Variants in CDRT4 observed in about 807,000 individuals in gnomAD.
CDRT4 encodes the protein CMT1A duplicated region transcript 4, also known as CMT1A duplicated region transcript 4 protein.
For missense variants in CDRT4, 167 were observed against 193.1 expected (o/e 0.87, Z 0.80); for synonymous variants, 64 against 69.6 (o/e 0.92, Z 0.40).
chr17:15,448,861 C>T (rs1979143741), intron 2 of CDRT4, among the ~76,000 whole-genome samples: 1 of 152,224 alleles, frequency 6.6e-6, no homozygotes, highest in Admixed American at 6.5e-5. Context: ...GCGCTGTTCC[C>T]TGTCATCACC....
chr17:15,446,964 C>G (rs929682543), intron 2 of CDRT4, among the ~76,000 whole-genome samples: 8 of 152,194 alleles, frequency 5.3e-5, no homozygotes, highest in African/African-American at 1.9e-4. Context: ...AAAAACCTAT[C>G]CTGAGCTCCA....
chr17:15,458,553 T>C (rs1979594302), intron 1 of CDRT4, among the ~76,000 whole-genome samples: 1 of 152,062 alleles, frequency 6.6e-6, no homozygotes, highest in African/African-American at 2.4e-5. Context: ...GTCGGGTCAT[T>C]GTGAAGAGGC....
At chr17:15,459,087 G>T (rs748310145) in intron 1 of CDRT4, among the ~76,000 whole-genome samples, 22 of 152,178 alleles carry the variant, frequency 1.4e-4, no homozygotes, top group Non-Finnish European at 2.9e-4. Flanking sequence ...TATGCTCCTA[G>T]ACTCAGAACA....
chr17:15,460,269 T>C (rs374763308), intron 1 of CDRT4, among the ~76,000 whole-genome samples: 1 of 152,160 alleles, frequency 6.6e-6, no homozygotes, highest in Non-Finnish European at 1.5e-5. Flanking sequence ...GCCAAAAAAC[T>C]AGGAATCTTC....
At chr17:15,459,029 T>G (rs2906977) in intron 1 of CDRT4, among the ~76,000 whole-genome samples, 33,863 of 152,078 alleles carry the variant, frequency 0.22, 7,387 homozygotes, top group African/African-American at 0.53. Context: ...AAATCTGCAA[T>G]TTTCATGATT....
chr17:15,452,905 GT>G (rs983026630), intron 2 of CDRT4, 98 bp downstream of exon 2: 4 of 152,074 alleles, frequency 2.6e-5, no homozygotes, highest in Admixed American at 2.0e-4. Context: ...CTTAAATTGT[GT>G]TTTTAAGGCT....
At chr17:15,467,061 A>G (rs1980073435) in intron 1 of CDRT4, among the ~76,000 whole-genome samples, 2 of 150,934 alleles carry the variant, frequency 1.3e-5, no homozygotes, top group Admixed American at 1.3e-4. Flanking sequence ...CATCACCCCC[A>G]GGGGATGGGG....
intron 1 of CDRT4, among the ~76,000 whole-genome samples, chr17:15,462,063 C>A (rs908699989): frequency 1.3e-5 from 2 of 152,190 alleles, no homozygotes; most frequent in East Asian, 3.9e-4. Flanking sequence ...CAGGTGAGCA[C>A]AGCACACTTA....
rs148894226 is a variant in CDRT4 at position 15,455,011 on chromosome 17, G to A, written c.-129-1926C>T. On this transcript the variant is annotated intron_variant, in intron 1 of 3. Transcript: ENST00000619038. Reference sequence around the variant, plus strand: ...TTCTATTCTATGATTTATGACTGGGGGTTCATTCTGGAAACAAGAAAACTA... The same window carrying A: ...TTCTATTCTATGATTTATGACTGGGAGTTCATTCTGGAAACAAGAAAACTA... 7.2e-3 allele frequency among the ~76,000 whole-genome samples: 1,090 copies of A among 152,082 alleles called. 12 individuals are homozygous for A. Among genetic ancestry groups the A allele is most frequent in the Middle Eastern group, 0.041 (12 of 292 alleles).
At chr17:15,444,229 G>C in intron 2 of CDRT4, 1 of 751,014 alleles carries the variant, frequency 1.3e-6, no homozygotes, top group Non-Finnish European at 2.3e-6. Flanking sequence ...CAAGATGCCG[G>C]ATGATTCCTA....
intron 2 of CDRT4, among the ~76,000 whole-genome samples, chr17:15,441,727 A>G (rs914782506): frequency 6.6e-6 from 1 of 152,172 alleles, no homozygotes; most frequent in Non-Finnish European, 1.5e-5. Context: ...CATCCCGGAG[A>G]TTCATTCATA....
At chr17:15,443,884 G>T (rs1382760207) in intron 2 of CDRT4, 3 of 624,348 alleles carry the variant, frequency 4.8e-6, no homozygotes, top group Non-Finnish European at 9.3e-6. Context: ...GTCACACTGG[G>T]CTTCCACTAC....
chr17:15,457,642 G>A (rs1979545659), intron 1 of CDRT4, among the ~76,000 whole-genome samples: 1 of 152,224 alleles, frequency 6.6e-6, no homozygotes, highest in Non-Finnish European at 1.5e-5. Context: ...GGAAAACATT[G>A]TTCAAAGTAA....
intron 1 of CDRT4, among the ~76,000 whole-genome samples, chr17:15,457,113 T>C (rs1567613346): frequency 6.6e-6 from 1 of 151,964 alleles, no homozygotes; most frequent in Non-Finnish European, 1.5e-5. Flanking sequence ...TGGGTAAAAA[T>C]GAGGATTGAG....
intron 1 of CDRT4, among the ~76,000 whole-genome samples, chr17:15,466,794 C>A (rs1980060930): frequency 6.6e-6 from 1 of 152,162 alleles, no homozygotes; most frequent in African/African-American, 2.4e-5. Context: ...GTCTTGAGTT[C>A]TCGGCCTCAA....
chr17:15,451,828 C>T (rs1670942086), intron 2 of CDRT4, among the ~76,000 whole-genome samples: 1 of 152,198 alleles, frequency 6.6e-6, no homozygotes, highest in Non-Finnish European at 1.5e-5. Flanking sequence ...TAACACTATC[C>T]CTGCCTGACA....
Position 15,440,233 on chromosome 17 carries a change from A to G in CDRT4, c.6T>C (p.Asp2=). The change falls in exon 3 of 4, where the codon GAT becomes GAC. Residue 2 remains aspartate (D), a synonymous_variant. Transcript: ENST00000619038. M[D]ARRMKKEEGL... is the part of the protein sequence containing the mutation. ...CTTCTTCTTTCTTCATCCTTCTTGC[A>G]TCCATCTTCTTTTTAATATTTACTG... The G allele has an allele frequency of 6.2e-7, 1 of 1,613,696 alleles. No homozygotes were observed. The highest frequency in any genetic ancestry group is 1.1e-5 in the South Asian group (1 of 91,060).
intron 2 of CDRT4, among the ~76,000 whole-genome samples, chr17:15,447,137 T>TA (rs1328869406): frequency 6.6e-6 from 1 of 152,200 alleles, no homozygotes; most frequent in Admixed American, 6.5e-5. Context: ...CTATCTGTGT[T>TA]ACGAGAAACA....
chr17:15,462,257 T>A lies in CDRT4; in HGVS notation c.-130+5203A>T, dbSNP rs544789903. Among the ~76,000 whole-genome samples the A allele has an allele frequency of 2.5e-3, 382 of 151,692 alleles. 3 individuals carry two copies. Among genetic ancestry groups the A allele is most frequent in the African/African-American group, 8.8e-3 (362 of 41,342 alleles). On this transcript the variant is annotated intron_variant, in intron 1 of 3. Coordinates refer to ENST00000619038, the MANE Select transcript of CDRT4 (RefSeq NM_001204477.2). ...TCCTGACTAACACGGTGAAACCCAG[T>A]CTCTACTAAAAATACAAAAAATTAG... is the stretch of plus-strand genomic sequence containing the variant.
Sources: allele counts gnomAD v4.1 joint callset (sites outside exome capture counted in the v4.1 genomes callset), GRCh38; gene constraint gnomAD v4.1.1; transcripts MANE v1.5; gene names NCBI Gene and HGNC (gene_info 2026-07-23, HGNC 2026-07-21).